LRRC49: variants seen among roughly 807,000 people sequenced by gnomAD.
The protein encoded by LRRC49 is leucine rich repeat containing 49.
LRRC49 carries 50 observed loss-of-function variants against 83.3 expected under a neutral mutation model. That is an observed-to-expected ratio of 0.60 (90% CI 0.48 to 0.76). The LOEUF (loss-of-function observed/expected upper bound fraction) is 0.76. Ranked by LOEUF, LRRC49 falls within the 30% of genes least tolerant of loss-of-function variation. LRRC49 has a pLI of 0.00. For missense variants in LRRC49, 704 were observed against 809.1 expected (o/e 0.87, Z 1.58); for synonymous variants, 286 against 283.3 (o/e 1.01, Z -0.10).
At chr15:71,028,912 T>A (rs938864301) in intron 14 of LRRC49, among the ~76,000 whole-genome samples, 1 of 152,060 alleles carries the variant, frequency 6.6e-6, no homozygotes, top group Non-Finnish European at 1.5e-5. Flanking sequence ...GATTCACTGA[T>A]TTTTTTGAAG....
chr15:71,028,473 G>A (rs1044523204), intron 14 of LRRC49, among the ~76,000 whole-genome samples: 2 of 152,178 alleles, frequency 1.3e-5, no homozygotes, highest in African/African-American at 2.4e-5. Context: ...ATGAGTTAGG[G>A]AGGAGTCCTT....
At chr15:70,873,107 A>T in exon 2 of LRRC49, 1 of 955,936 alleles carries the variant, frequency 1.0e-6, no homozygotes, top group Non-Finnish European at 1.6e-6. Context: ...CTGGTCTTGA[A>T]TTCCTGACCT....
At chr15:70,857,919 G>A (rs1426372200) in intron 1 of LRRC49, among the ~76,000 whole-genome samples, 2 of 152,230 alleles carry the variant, frequency 1.3e-5, no homozygotes, top group African/African-American at 4.8e-5. Context: ...CCTGTAAAAT[G>A]TTCTGAATGA....
intron 1 of LRRC49, among the ~76,000 whole-genome samples, chr15:70,866,210 C>A (rs1472729993): frequency 6.6e-6 from 1 of 151,744 alleles, no homozygotes; most frequent in Non-Finnish European, 1.5e-5. Flanking sequence ...TGCAGTGGTG[C>A]GATCTTGGCT....
intron 1 of LRRC49, among the ~76,000 whole-genome samples, chr15:70,872,297 A>C (rs1297829898): frequency 6.6e-6 from 1 of 152,198 alleles, no homozygotes; most frequent in Non-Finnish European, 1.5e-5. Flanking sequence ...GGGCAGGCTG[A>C]GGCAGGAGAA....
intron 11 of LRRC49, among the ~76,000 whole-genome samples, chr15:70,998,179 C>T (rs1353178415): frequency 6.6e-6 from 1 of 152,036 alleles, no homozygotes; most frequent in Non-Finnish European, 1.5e-5. Context: ...TAATTTTATA[C>T]ATTTTTCTTC....
At chr15:70,895,819 A>G (rs775351041) in intron 2 of LRRC49, 30 bp from the exon 3 acceptor site, 2 of 1,417,488 alleles carry the variant, frequency 1.4e-6, no homozygotes, top group Non-Finnish European at 2.0e-6. Context: ...TTTGTCTCCA[A>G]ATATTTTTTT....
At chr15:71,046,065 A>G (rs942675672) in intron 15 of LRRC49, among the ~76,000 whole-genome samples, 1 of 152,184 alleles carries the variant, frequency 6.6e-6, no homozygotes, top group Non-Finnish European at 1.5e-5. Context: ...TCCATGGTGT[A>G]TATATACTAT....
chr15:70,991,039 G>A (rs2037860764), intron 11 of LRRC49, among the ~76,000 whole-genome samples: 1 of 152,224 alleles, frequency 6.6e-6, no homozygotes, highest in African/African-American at 2.4e-5. Context: ...TGTGTCCTCA[G>A]CAGCCAGCAC....
chr15:70,886,154 C>G (rs780415916), intron 2 of LRRC49, among the ~76,000 whole-genome samples: 6 of 152,082 alleles, frequency 3.9e-5, no homozygotes, highest in African/African-American at 1.4e-4. Context: ...ATACCTAAAA[C>G]TTGTAAGATT....
upstream of LRRC49, among the ~76,000 whole-genome samples, chr15:70,889,638 G>A (rs1317345727): frequency 6.6e-6 from 1 of 152,142 alleles, no homozygotes; most frequent in Non-Finnish European, 1.5e-5. Flanking sequence ...CAATAAATAA[G>A]CCCCTTTCTT....
At chr15:71,033,854 G>A (rs1435464004) in intron 14 of LRRC49, among the ~76,000 whole-genome samples, 2 of 152,008 alleles carry the variant, frequency 1.3e-5, no homozygotes, top group Non-Finnish European at 2.9e-5. Flanking sequence ...ATTGAAACTG[G>A]ACCCCTTCCT....
intron 1 of LRRC49, among the ~76,000 whole-genome samples, chr15:70,864,977 C>G (rs2032879865): frequency 6.6e-6 from 1 of 152,186 alleles, no homozygotes; most frequent in South Asian, 2.1e-4. Flanking sequence ...CCTCTATAAC[C>G]CCATATGCCT....
In LRRC49 at chr15:71,052,360, C is replaced by T. The variant is rs1596189838; in HGVS notation, c.*2748C>T. 6.6e-6 allele frequency: 1 copy of T among 152,110 alleles called. No individual in the cohort carries two copies. The highest frequency in any genetic ancestry group is 1.5e-5 in the Non-Finnish European group (1 of 68,030). The allele number at this position is 152,110 out of a possible 1,614,324, so 9.4% of individuals were successfully genotyped here. On this transcript the variant is annotated 3_prime_UTR_variant, in exon 16 of 16. Coordinates refer to ENST00000260382, the MANE Select transcript of LRRC49 (RefSeq NM_017691.5). ...CCCCCATTTAGGGAGATACTGTACC[C>T]GATGTTCTGGTACAGCAGCTGGATG... is the stretch of plus-strand genomic sequence containing the variant.
upstream of LRRC49, chr15:70,892,630 C>T: frequency 2.1e-6 from 3 of 1,446,926 alleles, no homozygotes; most frequent in Non-Finnish European, 2.7e-6. Context: ...GCTTATCCTC[C>T]TCCCAATACT....
rs764459974 is a variant in LRRC49 at position 71,043,992 on chromosome 15, A to G, written c.1858-5417A>G. 8.1e-4 allele frequency among the ~76,000 whole-genome samples: 123 copies of G among 152,374 alleles called. 2 individuals carry two copies. The highest frequency in any genetic ancestry group is 5.4e-3 in the Admixed American group (83 of 15,308). ...TCTGTAAAAGAAGCATTCACTAAATATGCTCTATGCTTTCTACTTGTAAAT... is the reference window on the plus strand; with the variant it reads ...TCTGTAAAAGAAGCATTCACTAAATGTGCTCTATGCTTTCTACTTGTAAAT... On this transcript the variant is annotated intron_variant, in intron 15 of 15. Transcript: ENST00000260382.
chr15:70,883,016 T>C, intron 2 of LRRC49: 1 of 1,077,856 alleles, frequency 9.3e-7, no homozygotes, highest in Non-Finnish European at 1.3e-6. Context: ...TTCAGTCACA[T>C]ATTAGTAAGG....
intron 15 of LRRC49, among the ~76,000 whole-genome samples, chr15:71,037,886 G>A (rs1404196696): frequency 6.6e-6 from 1 of 152,080 alleles, no homozygotes; most frequent in Non-Finnish European, 1.5e-5. Flanking sequence ...TGTGGTCAGA[G>A]GTTCAGAGTG....
rs1157612690 is a variant in LRRC49, at chr15:70,854,163, G to A, written c.-299+694G>A. 2.7e-6 allele frequency: 3 copies of A among 1,094,238 alleles called. No homozygotes were observed. The African/African-American group carries it at 5.0e-5, about 18-fold the overall frequency. The allele number at this position is 1,094,238 out of a possible 1,614,324, so 67.8% of individuals were successfully genotyped here. A position where few individuals can be genotyped will look rare whatever the true frequency, so the allele number is the denominator to read the frequency against. The stretch of plus-strand genomic sequence containing the variant: ...CCAGCCGGTCGGCAGCGACTGCGAC[G>A]AGGGGGCGGGGGCGGTGCGAGCGCG... On this transcript the variant is annotated intron_variant, in intron 1 of 16. Coordinates refer to the LRRC49 transcript ENST00000544974.
Sources: allele counts gnomAD v4.1 joint callset (sites outside exome capture counted in the v4.1 genomes callset), GRCh38; gene constraint gnomAD v4.1.1; transcripts MANE v1.5; gene names NCBI Gene and HGNC (gene_info 2026-07-23, HGNC 2026-07-21).